The following DPY19L3 variants were observed in gnomAD, a reference collection of about 807,000 sequenced individuals.
DPY19L3 encodes the protein protein C-mannosyl-transferase DPY19L3.
A neutral mutation model predicts 92.3 loss-of-function variants in DPY19L3; 51 were observed. The ratio of observed to expected loss-of-function variants is 0.55; its 90% confidence interval spans 0.44 to 0.70. DPY19L3 has a LOEUF of 0.70. DPY19L3 is among the 30% of genes least tolerant of loss of function. DPY19L3 has a pLI of 0.00. For synonymous variants in DPY19L3, 309 were observed against 315.2 expected, an observed-to-expected ratio of 0.98 and a Z score of 0.21; for missense variants, 706 against 855.9, an observed-to-expected ratio of 0.82 and a Z score of 2.18.
chr19:32,411,366 T>G lies in DPY19L3; in HGVS notation c.231T>G (p.Asn77Lys). 1 of 1,614,112 alleles carries G rather than the reference T, an allele frequency of 6.2e-7. No homozygotes were observed. Among genetic ancestry groups the G allele is most frequent in the Non-Finnish European group, 8.5e-7 (1 of 1,180,016 alleles). The stretch of plus-strand genomic sequence containing the variant: ...ATGAAAATGATTTATGGTTTTCTAA[T>G]ATTAAGGTATGGAGTTTCTTTGACC... Reference protein sequence around the residue: ...TLHENDLWFSNIKEVEREISF... With the variant: ...TLHENDLWFSKIKEVEREISF... Residue 77 changes from asparagine to lysine, a missense_variant, in exon 3 of 19, where the codon AAT (asparagine) becomes AAG (lysine). By Grantham distance (94) the Asn-to-Lys change is moderately conservative (BLOSUM62 0). Transcript: ENST00000392250.
At chr19:32,475,570 A>G (rs1248768136) in intron 16 of DPY19L3, among the ~76,000 whole-genome samples, 1 of 152,230 alleles carries the variant, frequency 6.6e-6, no homozygotes, top group Non-Finnish European at 1.5e-5. Flanking sequence ...TTAAAAAACT[A>G]ATATTTGTTC....
intron 3 of DPY19L3, among the ~76,000 whole-genome samples, chr19:32,423,269 C>T (rs759741964): frequency 3.0e-4 from 45 of 152,060 alleles, no homozygotes; most frequent in Non-Finnish European, 4.0e-4. Context: ...AAACAGAGCT[C>T]GCTCTGTCGC....
At chr19:32,408,132 T>G in intron 1 of DPY19L3, 85 bp from the exon 2 acceptor site, 1 of 684,202 alleles carries the variant, frequency 1.5e-6, no homozygotes, top group Non-Finnish European at 2.6e-6. Flanking sequence ...GAAAATGGCA[T>G]AAGTAAAGGC....
chr19:32,465,045 C>T (rs149185474), intron 15 of DPY19L3, among the ~76,000 whole-genome samples: 383 of 152,270 alleles, frequency 2.5e-3, no homozygotes, highest in Admixed American at 5.1e-3. Flanking sequence ...TAATATTCAG[C>T]TGATGCAAAT....
At chr19:32,459,770 T>C (rs1969979434) in intron 12 of DPY19L3, among the ~76,000 whole-genome samples, 1 of 152,174 alleles carries the variant, frequency 6.6e-6, no homozygotes, top group Admixed American at 6.5e-5. Flanking sequence ...AGATAAAAGA[T>C]TTTAGAGCAT....
chr19:32,415,070 A>T (rs1167068500), intron 3 of DPY19L3, among the ~76,000 whole-genome samples: 1 of 152,250 alleles, frequency 6.6e-6, no homozygotes, highest in Non-Finnish European at 1.5e-5. Flanking sequence ...CACCTACAGT[A>T]TGCCAGCAGG....
At chr19:32,432,873 T>C (rs113968889) in intron 4 of DPY19L3, 67 bp downstream of exon 4, 1 of 1,405,980 alleles carries the variant, frequency 7.1e-7, no homozygotes, top group Non-Finnish European at 1.0e-6. Flanking sequence ...TGAGAAGTAC[T>C]GTGCACTAAA....
At chr19:32,463,253 TAATC>T (rs1053513271) in intron 12 of DPY19L3, 109 bp from the exon 13 acceptor site, 38 of 1,175,056 alleles carry the variant, frequency 3.2e-5, no homozygotes, top group African/African-American at 6.2e-5. Context: ...CTTATGGAAA[TAATC>T]AATTTCTGAA....
intron 13 of DPY19L3, 86 bp from the exon 14 acceptor site, chr19:32,463,783 C>T: frequency 1.7e-6 from 2 of 1,209,280 alleles, no homozygotes; most frequent in Non-Finnish European, 2.4e-6. Flanking sequence ...CCGTCATAGA[C>T]TGTAAAGCTG....
intron 16 of DPY19L3, among the ~76,000 whole-genome samples, chr19:32,473,093 A>G (rs1418899175): frequency 2.0e-5 from 3 of 152,256 alleles, no homozygotes; most frequent in East Asian, 1.9e-4. Flanking sequence ...TTCAACAGCA[A>G]TTAACTTGTT....
In DPY19L3 at chr19:32,480,531, G is replaced by A. The variant is rs1222339896; in HGVS notation, c.1963G>A (p.Asp655Asn). ...GCACCGCCGGGGCTGCCGACTCCGG[G>A]ACCTGCTGGACATTGCCAACGGCCA... ...RRHRRGCRLRDLLDIANGHMM... is the reference protein window; with the variant it reads ...RRHRRGCRLRNLLDIANGHMM... The change falls in exon 18 of 19, where the codon GAC becomes AAC. Residue 655 changes from aspartate (D) to asparagine (N), a missense_variant. Physicochemically the swap from Asp to Asn is conservative, Grantham distance 23 (BLOSUM62 1). Transcript: ENST00000392250. 1.2e-6 allele frequency: 2 copies of A among 1,613,504 alleles called. No homozygotes were observed. Among genetic ancestry groups the A allele is most frequent in the African/African-American group, 2.7e-5 (2 of 74,928 alleles).
chr19:32,431,865 T>C (rs544130818), intron 3 of DPY19L3, among the ~76,000 whole-genome samples: 4 of 152,336 alleles, frequency 2.6e-5, no homozygotes, highest in Admixed American at 6.5e-5. Flanking sequence ...GTTATACTTA[T>C]TCGTACATAA....
chr19:32,441,604 TC>T (rs1969327296), intron 8 of DPY19L3, among the ~76,000 whole-genome samples: 1 of 151,716 alleles, frequency 6.6e-6, no homozygotes, highest in Non-Finnish European at 1.5e-5. Flanking sequence ...TTTAAGCAAT[TC>T]TCCTGCCTCA....
intron 3 of DPY19L3, among the ~76,000 whole-genome samples, chr19:32,428,940 C>T (rs1220438254): frequency 6.6e-6 from 1 of 152,120 alleles, no homozygotes; most frequent in South Asian, 2.1e-4. Context: ...CTCTGCCCTC[C>T]GAGTTCAAGT....
At chr19:32,411,143 C>A (rs1968165763) in intron 2 of DPY19L3, 96 bp from the exon 3 acceptor site, 2 of 1,298,162 alleles carry the variant, frequency 1.5e-6, no homozygotes, top group East Asian at 2.3e-5. Flanking sequence ...CAGTGACAGG[C>A]AGCTAGACTT....
In DPY19L3 at chr19:32,439,242, G is replaced by C. The variant is rs755052013; in HGVS notation, c.720+7G>C. 3 of 1,605,446 alleles carry C rather than the reference G, an allele frequency of 1.9e-6. No individual in the cohort carries two copies. The highest frequency in any genetic ancestry group is 2.7e-5 in the African/African-American group (2 of 74,340). ...CTTACAGCCTCTTTCTGAAGTAAGT[G>C]TTTATAAAATTTCATATATTTTAAT... On this transcript the variant is annotated splice_region_variant and intron_variant, in intron 7 of 18. Transcript: ENST00000392250.
At chr19:32,467,391 T>G in intron 15 of DPY19L3, 1 of 974,600 alleles carries the variant, frequency 1.0e-6, no homozygotes, top group Non-Finnish European at 1.2e-6. Flanking sequence ...GGTTATCAAA[T>G]TAGTAAGGAA....
chr19:32,468,140 CTT>C, intron 15 of DPY19L3: 1 of 958,816 alleles, frequency 1.0e-6, no homozygotes, highest in Non-Finnish European at 1.2e-6. Flanking sequence ...CCGCTTGTGA[CTT>C]GGTCAAGTCA....
intron 16 of DPY19L3, among the ~76,000 whole-genome samples, chr19:32,474,504 A>G (rs1970447705): frequency 6.6e-6 from 1 of 152,204 alleles, no homozygotes; most frequent in South Asian, 2.1e-4. Context: ...GGCTTGCAGT[A>G]AGCATTAGTA....
Sources: gnomAD v4.1 joint callset for allele counts (sites outside exome capture counted in the v4.1 genomes callset) on GRCh38, gnomAD v4.1.1 for gene constraint, MANE v1.5 for transcripts, NCBI Gene and HGNC (gene_info 2026-07-23, HGNC 2026-07-21) for gene names.